DNMT3A: variants seen among roughly 807,000 people sequenced by gnomAD.
DNMT3A encodes DNA (cytosine-5)-methyltransferase 3A.
Under a neutral mutation model 117.6 loss-of-function variants are expected in DNMT3A, and 267 were observed. The observed-to-expected ratio is 2.27, with a 90% CI of 2.05 to 2.51. The LOEUF (loss-of-function observed/expected upper bound fraction) is 2.51, where lower values mean the gene tolerates loss of function less well. Ranked by LOEUF, DNMT3A falls within the 30% of genes most tolerant of loss-of-function variation. The probability of loss-of-function intolerance (pLI) is 0.00; values close to 1 mark genes in which losing one functional copy is unlikely to be tolerated. For missense variants in DNMT3A, 1,029 were observed against 1,260.2 expected (o/e 0.82, Z 2.78); for synonymous variants, 432 against 474.8 (o/e 0.91, Z 1.17).
rs2149379531 is a variant in DNMT3A, at chr2:25,282,678, C to T, written c.211G>A (p.Val71Met). The T allele has an allele frequency of 6.4e-7, 1 of 1,561,672 alleles. No homozygotes were observed. Among genetic ancestry groups the T allele is most frequent in the Non-Finnish European group, 8.7e-7 (1 of 1,153,574 alleles). ...GCCATGGATGGGGACTTGGAGATCACCGCAGGGTCCTTTGGCGTGTCACCG... is the reference window on the plus strand; with the variant it reads ...GCCATGGATGGGGACTTGGAGATCATCGCAGGGTCCTTTGGCGTGTCACCG... Reference protein sequence around the residue: ...ESGDTPKDPAVISKSPSMAQD... With the variant: ...ESGDTPKDPAMISKSPSMAQD... Residue 71 changes from valine to methionine, a missense_variant, in exon 4 of 23, where the codon GTG becomes ATG. Transcript: ENST00000321117. The surrounding 1 kb of genome is among the most constrained non-coding windows in gnomAD (Gnocchi z 5.2).
Position 25,236,765 on chromosome 2 carries a change from C to T in DNMT3A, c.2478+171G>A, listed in dbSNP as rs1022205888. On this transcript the variant is annotated intron_variant, in intron 21 of 22. Transcript: ENST00000321117. This position sits in a 1 kb window ranked among gnomAD's most constrained non-coding sequence, Gnocchi z 4.5. ...GGGAGGAAGGGCTGAAGGCCAGCAGCCCTGGGCCCTCCTCTGGCTGCCCTG... is the reference window on the plus strand; with the variant it reads ...GGGAGGAAGGGCTGAAGGCCAGCAGTCCTGGGCCCTCCTCTGGCTGCCCTG... Among the ~76,000 whole-genome samples the T allele has an allele frequency of 2.0e-5, 3 of 152,242 alleles. No homozygotes were observed. Among genetic ancestry groups the T allele is most frequent in the African/African-American group, 7.2e-5 (3 of 41,468 alleles).
intron 15 of DNMT3A, 39 bp from the exon 16 acceptor site, chr2:25,244,021 G>A (rs1265789005): frequency 3.2e-6 from 5 of 1,548,666 alleles, no homozygotes; most frequent in East Asian, 2.4e-5. Context: ...CAGGCCCAGC[G>A]GTGTCCCAAG....
chr2:25,299,505 G>C (rs939459954), intron 3 of DNMT3A, among the ~76,000 whole-genome samples: 1 of 152,222 alleles, frequency 6.6e-6, no homozygotes, highest in East Asian at 1.9e-4. Flanking sequence ...GTCCAGCCTG[G>C]GATTCTGGCA....
intron 3 of DNMT3A, 78 bp downstream of exon 3, chr2:25,300,061 T>C: frequency 6.8e-7 from 1 of 1,471,130 alleles, no homozygotes; most frequent in Non-Finnish European, 9.2e-7. Flanking sequence ...CTGCAGGACA[T>C]ACATCACTGC....
At chr2:25,335,931 G>A (rs1010323350) in intron 1 of DNMT3A, among the ~76,000 whole-genome samples, 19 of 151,506 alleles carry the variant, frequency 1.3e-4, no homozygotes, top group African/African-American at 3.6e-4. Flanking sequence ...AGTAGGACAG[G>A]AGTAGGCAAC....
In DNMT3A at chr2:25,249,563, C is replaced by A; in HGVS notation, c.640-1311G>T. Reference sequence around the variant, plus strand: ...TTCATTCAGTTATTTACTGAGCAGGCACTATAGACCAGGCGTGCTCTCTGC... The same window carrying A: ...TTCATTCAGTTATTTACTGAGCAGGAACTATAGACCAGGCGTGCTCTCTGC... On this transcript the variant is annotated intron_variant, in intron 6 of 22. Coordinates refer to ENST00000321117, the MANE Select transcript of DNMT3A (RefSeq NM_022552.5). The A allele has an allele frequency of 3.7e-6, 5 of 1,369,142 alleles. No homozygotes were observed. The South Asian group carries it at 4.7e-5, about 13-fold the overall frequency. 84.8% of individuals were successfully genotyped at this position (1,369,142 alleles called of 1,614,324 possible). A position where few individuals can be genotyped will look rare whatever the true frequency, so the allele number is the denominator to read the frequency against.
rs1673358488 is a variant in DNMT3A at position 25,236,257 on chromosome 2, G to A, written c.2479-432C>T. ...ATTTTTATATTTTTAGTCAGACAGG[G>A]TTTCACCGTGTCGGCCAGGCTGGTC... On this transcript the variant is annotated intron_variant, in intron 21 of 22. Transcript: ENST00000321117. This position sits in a 1 kb window ranked among gnomAD's most constrained non-coding sequence, Gnocchi z 4.5. Among the ~76,000 whole-genome samples, 1 of 152,136 alleles carries A rather than the reference G, an allele frequency of 6.6e-6. No homozygotes were observed. Among genetic ancestry groups the A allele is most frequent in the Admixed American group, 6.5e-5 (1 of 15,280 alleles).
intron 4 of DNMT3A, among the ~76,000 whole-genome samples, chr2:25,277,436 G>C (rs2031522422): frequency 6.6e-6 from 1 of 151,988 alleles, no homozygotes; most frequent in African/African-American, 2.4e-5. Flanking sequence ...GGCGGCCTGG[G>C]GGCGGCCTGG....
chr2:25,307,681 G>T (rs1387315588), intron 2 of DNMT3A, among the ~76,000 whole-genome samples: 1 of 152,098 alleles, frequency 6.6e-6, no homozygotes, highest in East Asian at 1.9e-4. Context: ...GGCCAGGCTG[G>T]TCTCCAACTC....
Position 25,311,237 on chromosome 2 carries a change from AGTT to A in DNMT3A, c.72+2673_72+2675del, listed in dbSNP as rs2034100045. 1.3e-5 allele frequency among the ~76,000 whole-genome samples: 2 copies of A among 152,146 alleles called. No homozygotes were observed. The highest frequency in any genetic ancestry group is 2.9e-5 in the Non-Finnish European group (2 of 68,000). ...ACCCCTTCCATCTGGCTTGCCAAAC[AGTT>A]CCTTTGTGCACAGTGCCCCTGGCAC... On this transcript the variant is annotated intron_variant, in intron 2 of 22. Coordinates refer to ENST00000321117, the MANE Select transcript of DNMT3A (RefSeq NM_022552.5). The surrounding 1 kb of genome is among the most constrained non-coding windows in gnomAD (Gnocchi z 5.2).
chr2:25,309,001 G>GCA lies in DNMT3A; in HGVS notation c.72+4910_72+4911dup, dbSNP rs60027399. On this transcript the variant is annotated intron_variant, in intron 2 of 22. Transcript: ENST00000321117. ...CACACACACACACACACACACACACGCACGCACATGTGCAAACACATAAGT... is the reference window on the plus strand; with the variant it reads ...CACACACACACACACACACACACACGCACACGCACATGTGCAAACACATAAGT... Among the ~76,000 whole-genome samples, 36 of 137,674 alleles carry GCA rather than the reference G, an allele frequency of 2.6e-4. 1 individual carries two copies. The highest frequency in any genetic ancestry group is 6.4e-5 in the Non-Finnish European group (4 of 62,656). 90.3% of individuals were successfully genotyped at this position (137,674 alleles called of 152,430 possible).
In DNMT3A at chr2:25,230,276, C is replaced by G. The variant is rs1166278843; in HGVS notation, c.*4003G>C. On this transcript the variant is annotated 3_prime_UTR_variant, in exon 23 of 23. Transcript: ENST00000321117. Reference sequence around the variant, plus strand: ...TCTGCCGGTGCACCAGCCTGTCGCTCCCGTGGGGCGGGGGGTTAGTACCAG... The same window carrying G: ...TCTGCCGGTGCACCAGCCTGTCGCTGCCGTGGGGCGGGGGGTTAGTACCAG... 6.6e-6 allele frequency: 1 copy of G among 152,372 alleles called. No homozygotes were observed. The highest frequency in any genetic ancestry group is 1.5e-5 in the Non-Finnish European group (1 of 68,156). 9.4% of individuals were successfully genotyped at this position (152,372 alleles called of 1,614,324 possible).
intron 1 of DNMT3A, among the ~76,000 whole-genome samples, chr2:25,326,814 C>T (rs1225025442): frequency 1.4e-4 from 22 of 152,206 alleles, no homozygotes. Flanking sequence ...GCAATGCAGA[C>T]AGCTTCTCCA....
intron 16 of DNMT3A, chr2:25,242,078 A>G (rs945277848): frequency 4.3e-6 from 1 of 233,600 alleles, no homozygotes; most frequent in Non-Finnish European, 8.3e-6. Context: ...CTACAATTCT[A>G]CCCCACCCTT....
chr2:25,317,208 T>C (rs917509417), intron 1 of DNMT3A, among the ~76,000 whole-genome samples: 6 of 148,854 alleles, frequency 4.0e-5, no homozygotes, highest in African/African-American at 1.5e-4. Flanking sequence ...ACTACAGCCA[T>C]GTACCACCAC....
chr2:25,241,731 C>T (rs770510449), intron 16 of DNMT3A, 24 bp from the exon 17 acceptor site: 21 of 1,611,066 alleles, frequency 1.3e-5, no homozygotes, highest in South Asian at 1.2e-4. Context: ...CAGACAGCAC[C>T]GTTACTTGGA....
intron 3 of DNMT3A, among the ~76,000 whole-genome samples, chr2:25,289,123 G>A (rs997594037): frequency 1.0e-5 from 1 of 95,722 alleles, no homozygotes. Flanking sequence ...TTTTTTTTTT[G>A]AGACCGAGTC....
Position 25,300,136 on chromosome 2 carries a change from C to T in DNMT3A, c.177+3G>A. ...AGGAGGGTGTGTAGGATGTGACACT[C>T]ACCGGGGGGTGCTTGCGCTTCCTCC... On this transcript the variant is annotated splice_donor_region_variant and intron_variant, in intron 3 of 22. Coordinates refer to ENST00000321117, the MANE Select transcript of DNMT3A (RefSeq NM_022552.5). The T allele has an allele frequency of 6.2e-7, 1 of 1,612,920 alleles. No homozygotes were observed. Among genetic ancestry groups the T allele is most frequent in the Non-Finnish European group, 8.5e-7 (1 of 1,179,604 alleles).
intron 6 of DNMT3A, among the ~76,000 whole-genome samples, chr2:25,261,082 T>C (rs1328395185): frequency 1.3e-5 from 2 of 151,982 alleles, no homozygotes; most frequent in Non-Finnish European, 2.9e-5. Context: ...TCACTTGAGG[T>C]CAGGAGTTCG....
Sources: gnomAD v4.1 joint callset for allele counts (sites outside exome capture counted in the v4.1 genomes callset) on GRCh38, gnomAD v4.1.1 for gene constraint, Gnocchi (gnomAD v3.1) non-coding constraint, MANE v1.5 for transcripts, NCBI Gene and HGNC (gene_info 2026-07-23, HGNC 2026-07-21) for gene names.